CNTNAP5: variants seen among roughly 807,000 people sequenced by gnomAD.
The protein encoded by CNTNAP5 is contactin-associated protein-like 5.
In CNTNAP5, 72 loss-of-function variants were observed where a neutral mutation model predicts 150.2. The observed-to-expected ratio is 0.48, with a 90% CI of 0.40 to 0.58. The LOEUF (loss-of-function observed/expected upper bound fraction) is 0.58. Among genes scored for constraint, CNTNAP5 ranks in the 20% least tolerant of loss-of-function variants. The pLI is 0.00. For missense variants in CNTNAP5, 1,636 were observed against 1,626.2 expected, an observed-to-expected ratio of 1.01 and a Z score of -0.10; for synonymous variants, 672 against 619.8, an observed-to-expected ratio of 1.08 and a Z score of -1.25.
At chr2:124,646,899 G>T (rs920695761) in intron 12 of CNTNAP5, among the ~76,000 whole-genome samples, 1 of 152,172 alleles carries the variant, frequency 6.6e-6, no homozygotes, top group Non-Finnish European at 1.5e-5. Context: ...CTTGAGCCCA[G>T]GAATTTGAAG....
At chr2:124,865,633 C>T (rs1677615791) in intron 20 of CNTNAP5, among the ~76,000 whole-genome samples, 197 bp downstream of exon 20, 1 of 152,196 alleles carries the variant, frequency 6.6e-6, no homozygotes, top group South Asian at 2.1e-4. Context: ...ATCAGCATCA[C>T]TTGGGACCCT....
chr2:124,218,328 C>T (rs948482157), intron 1 of CNTNAP5, among the ~76,000 whole-genome samples: 1 of 152,160 alleles, frequency 6.6e-6, no homozygotes, highest in Non-Finnish European at 1.5e-5. Flanking sequence ...AAGAGACTTG[C>T]TCTCTCTTCA....
Position 124,798,126 on chromosome 2 carries a change from C to T in CNTNAP5, c.3023C>T (p.Ser1008Leu), listed in dbSNP as rs746996523. The change falls in exon 19 of 24, where the codon TCG (serine) becomes TTG (leucine). Residue 1008 changes from serine (S) to leucine (L), a missense_variant. Physicochemically the swap from Ser to Leu is moderately radical, Grantham distance 145. Transcript: ENST00000682447. ...EVSAVFEAGT[S>L]VTYMFQEPYP... ...TCTGCTGTTTTTGAGGCTGGCACGT[C>T]GGTTACTTACATGTTTCAAGAACCC... 6 of 1,612,552 alleles carry T rather than the reference C, an allele frequency of 3.7e-6. No homozygotes were observed. The highest frequency in any genetic ancestry group is 5.1e-6 in the Non-Finnish European group (6 of 1,179,320).
Position 124,242,404 on chromosome 2 carries a change from T to A in CNTNAP5, c.381+11T>A. On this transcript the variant is annotated intron_variant, in intron 3 of 23. Coordinates refer to ENST00000682447, the MANE Select transcript of CNTNAP5 (RefSeq NM_001367498.1). ...GAAGACAGCATCTGGGTAGGACATC[T>A]TTTTCCTTCCAATGAATAAAACTGA... 1.2e-6 allele frequency: 2 copies of A among 1,607,924 alleles called. No homozygotes were observed. Among genetic ancestry groups the A allele is most frequent in the Non-Finnish European group, 8.5e-7 (1 of 1,176,210 alleles).
At chr2:124,742,447 G>C (rs1680515097) in intron 13 of CNTNAP5, among the ~76,000 whole-genome samples, 1 of 152,126 alleles carries the variant, frequency 6.6e-6, no homozygotes, top group African/African-American at 2.4e-5. Flanking sequence ...CTTGGGGTAG[G>C]GAGATCCTGA....
intron 6 of CNTNAP5, among the ~76,000 whole-genome samples, chr2:124,455,888 C>A (rs1030935690): frequency 6.6e-6 from 1 of 152,048 alleles, no homozygotes; most frequent in African/African-American, 2.4e-5. Flanking sequence ...AAACTCTCGG[C>A]AACATTGGCA....
chr2:124,312,800 G>C (rs935466900), intron 3 of CNTNAP5, among the ~76,000 whole-genome samples: 1 of 152,170 alleles, frequency 6.6e-6, no homozygotes, highest in African/African-American at 2.4e-5. Flanking sequence ...TCCATCTCCT[G>C]ACCTCGTGAT....
In CNTNAP5 at chr2:124,434,700, T is replaced by C; in HGVS notation, c.733+13T>C. 6.3e-7 allele frequency: 1 copy of C among 1,596,118 alleles called. No homozygotes were observed. Among genetic ancestry groups the C allele is most frequent in the Non-Finnish European group, 8.5e-7 (1 of 1,170,752 alleles). On this transcript the variant is annotated intron_variant, in intron 5 of 23. Coordinates refer to ENST00000682447, the MANE Select transcript of CNTNAP5 (RefSeq NM_001367498.1). ...CACCTCAATTTGGGTAGGCTCAGACTTCCTCTTCCAATGCCAAGGGATGGA... is the reference window on the plus strand; with the variant it reads ...CACCTCAATTTGGGTAGGCTCAGACCTCCTCTTCCAATGCCAAGGGATGGA...
chr2:124,903,019 C>T lies in CNTNAP5; in HGVS notation c.3574C>T (p.His1192Tyr). ...TGCCACTGTCGCGCCTGTGACTGTC[C>T]ATGGGACCTTGACGGAATCCAGCTG... ...RHATVAPVTV[H>Y]GTLTESSCGF... The change falls in exon 22 of 24, where the codon CAT becomes TAT. Residue 1192 changes from histidine to tyrosine, a missense_variant. Coordinates refer to ENST00000682447, the MANE Select transcript of CNTNAP5 (RefSeq NM_001367498.1). The T allele has an allele frequency of 6.2e-7, 1 of 1,610,714 alleles. No individual in the cohort carries two copies. The highest frequency in any genetic ancestry group is 8.5e-7 in the Non-Finnish European group (1 of 1,178,404).
At chr2:124,594,575 C>T (rs1696777852) in intron 11 of CNTNAP5, among the ~76,000 whole-genome samples, 1 of 141,154 alleles carries the variant, frequency 7.1e-6, no homozygotes, top group Admixed American at 7.3e-5. Context: ...TAGTGTGATG[C>T]CTCCAGCTTT....
intron 12 of CNTNAP5, among the ~76,000 whole-genome samples, chr2:124,629,790 A>G (rs1308896309): frequency 1.9e-5 from 2 of 107,844 alleles, no homozygotes; most frequent in Non-Finnish European, 4.2e-5. Flanking sequence ...TTTTTTTTTG[A>G]AAAAACCAAT....
Position 124,911,548 on chromosome 2 carries a change from T to A in CNTNAP5, c.3727+10T>A. On this transcript the variant is annotated intron_variant, in intron 23 of 23. Transcript: ENST00000682447. Reference sequence around the variant, plus strand: ...TCGGCAGTCATCGGAGGTAAACAATTCATTGTTGTTGAATGCAAAAAGACA... The same window carrying A: ...TCGGCAGTCATCGGAGGTAAACAATACATTGTTGTTGAATGCAAAAAGACA... 1 of 1,579,716 alleles carries A rather than the reference T, an allele frequency of 6.3e-7. No homozygotes were observed. The highest frequency in any genetic ancestry group is 8.6e-7 in the Non-Finnish European group (1 of 1,158,884).
At chr2:124,758,271 T>C (rs1172775301) in intron 14 of CNTNAP5, among the ~76,000 whole-genome samples, 1 of 152,158 alleles carries the variant, frequency 6.6e-6, no homozygotes, top group Non-Finnish European at 1.5e-5. Flanking sequence ...CAACTGAGTG[T>C]ACAGGACAAG....
At chr2:124,844,741 G>C (rs1683013244) in intron 19 of CNTNAP5, among the ~76,000 whole-genome samples, 1 of 151,830 alleles carries the variant, frequency 6.6e-6, no homozygotes, top group Admixed American at 6.6e-5. Context: ...AATGTGAAAT[G>C]GGTTGAGATT....
chr2:124,482,805 G>A (rs544494441), intron 7 of CNTNAP5, among the ~76,000 whole-genome samples: 2 of 152,296 alleles, frequency 1.3e-5, no homozygotes, highest in East Asian at 3.9e-4. Flanking sequence ...AGGAGAAGGA[G>A]GCGAATGCTG....
intron 7 of CNTNAP5, 69 bp from the exon 8 acceptor site, chr2:124,504,223 G>T (rs75899120): frequency 7.2e-5 from 107 of 1,494,140 alleles, no homozygotes; most frequent in Non-Finnish European, 8.8e-5. Context: ...CCAGGTGGTT[G>T]TTTATATCAG....
intron 6 of CNTNAP5, among the ~76,000 whole-genome samples, chr2:124,459,504 T>C (rs1175886334): frequency 6.6e-6 from 1 of 152,010 alleles, no homozygotes; most frequent in Non-Finnish European, 1.5e-5. Context: ...ATCCCAGCAC[T>C]TTGGGAGGCT....
chr2:124,906,775 C>G (rs1678546465), intron 22 of CNTNAP5, among the ~76,000 whole-genome samples: 1 of 152,058 alleles, frequency 6.6e-6, no homozygotes, highest in Admixed American at 6.6e-5. Flanking sequence ...TCTACTCTTC[C>G]AGCAATGTAT....
intron 13 of CNTNAP5, among the ~76,000 whole-genome samples, chr2:124,741,596 A>G (rs1680498830): frequency 6.6e-6 from 1 of 151,858 alleles, no homozygotes. Context: ...AAACATATAT[A>G]TTTTCTCTGT....
Sources: allele counts gnomAD v4.1 joint callset (sites outside exome capture counted in the v4.1 genomes callset), GRCh38; gene constraint gnomAD v4.1.1; transcripts MANE v1.5; gene names NCBI Gene and HGNC (gene_info 2026-07-23, HGNC 2026-07-21).